The following PCDHA4 variants were observed in gnomAD, a reference collection of about 807,000 sequenced individuals.
PCDHA4 encodes the protein protocadherin alpha 4, also known as protocadherin alpha-4.
Under a neutral mutation model 61.4 loss-of-function variants are expected in PCDHA4, and 49 were observed. The observed-to-expected ratio is 0.80, with a 90% confidence interval of 0.63 to 1.01. The LOEUF is 1.01. PCDHA4 is among the 50% of genes least tolerant of loss of function. The pLI is 0.00. For missense variants in PCDHA4, 1,254 were observed against 1,235.8 expected, an observed-to-expected ratio of 1.01 and a Z score of -0.22; for synonymous variants, 590 against 550.3, an observed-to-expected ratio of 1.07 and a Z score of -1.01.
intron 1 of PCDHA4, chr5:140,850,480 C>A: frequency 6.3e-7 from 1 of 1,597,900 alleles, no homozygotes; most frequent in African/African-American, 1.3e-5. Context: ...CTGACGGCCA[C>A]GGCCACTGTG....
chr5:140,890,439 A>G (rs114755692), intron 1 of PCDHA4, among the ~76,000 whole-genome samples: 1 of 152,210 alleles, frequency 6.6e-6, no homozygotes, highest in Non-Finnish European at 1.5e-5. Context: ...TACAATACCT[A>G]GTGATATCTT....
rs2042023727 is a variant in PCDHA4, at chr5:140,851,309, G to T, written c.2385+41737G>T. ...ACCCAAGCAAAAATATATAGCAATT[G>T]TTACCTTGTTAAGTTTGTAGTTCTC... On this transcript the variant is annotated intron_variant, in intron 1 of 3. Coordinates refer to ENST00000530339, the MANE Select transcript of PCDHA4 (RefSeq NM_018907.4). 5.0e-6 allele frequency: 5 copies of T among 1,000,390 alleles called. 1 individual carries two copies. Among genetic ancestry groups the T allele is most frequent in the Admixed American group, 5.3e-5 (1 of 18,698 alleles). 62.0% of individuals were successfully genotyped at this position (1,000,390 alleles called of 1,614,324 possible).
chr5:140,968,588 A>G (rs1554230894), intron 1 of PCDHA4: 1 of 1,614,180 alleles, frequency 6.2e-7, no homozygotes, highest in South Asian at 1.1e-5. Flanking sequence ...CACCAAAGTC[A>G]TAGCTATGGA....
At chr5:140,995,416 T>G (rs2097682772) in intron 3 of PCDHA4, among the ~76,000 whole-genome samples, 1 of 152,228 alleles carries the variant, frequency 6.6e-6, no homozygotes, top group African/African-American at 2.4e-5. Context: ...TTCATCACAT[T>G]ACTCAGAACA....
chr5:140,840,057 T>C (rs1217899995), intron 1 of PCDHA4, among the ~76,000 whole-genome samples: 1 of 152,054 alleles, frequency 6.6e-6, no homozygotes, highest in Non-Finnish European at 1.5e-5. Flanking sequence ...TCTAATGTCT[T>C]GACAATTAGT....
At chr5:140,882,643 C>T in intron 1 of PCDHA4, 1 of 1,614,190 alleles carries the variant, frequency 6.2e-7, no homozygotes, top group Non-Finnish European at 8.5e-7. Context: ...AGGTGAGGGA[C>T]ATTAACGACA....
At chr5:140,987,668 G>C (rs1262402590) in intron 3 of PCDHA4, among the ~76,000 whole-genome samples, 1 of 152,082 alleles carries the variant, frequency 6.6e-6, no homozygotes, top group Non-Finnish European at 1.5e-5. Context: ...GAACAATCAG[G>C]GTTTAGTAAA....
chr5:140,850,595 G>A (rs2150490707), intron 1 of PCDHA4: 2 of 1,598,512 alleles, frequency 1.3e-6, no homozygotes, highest in East Asian at 4.5e-5. Flanking sequence ...ACGTGTACCT[G>A]ATCATCGCCA....
chr5:140,826,446 T>G (rs1768942723), intron 1 of PCDHA4, among the ~76,000 whole-genome samples: 1 of 152,178 alleles, frequency 6.6e-6, no homozygotes, highest in South Asian at 2.1e-4. Context: ...AGAAAAGGCT[T>G]TGTGTCACAA....
At chr5:140,978,739 T>C (rs2096820890) in intron 1 of PCDHA4, among the ~76,000 whole-genome samples, 1 of 152,252 alleles carries the variant, frequency 6.6e-6, no homozygotes, top group Non-Finnish European at 1.5e-5. Context: ...TCTTCCAGGG[T>C]ATCTAATCTG....
chr5:140,928,701 G>T, intron 1 of PCDHA4: 1 of 1,614,132 alleles, frequency 6.2e-7, no homozygotes, highest in Non-Finnish European at 8.5e-7. Context: ...TCTCCCGGGC[G>T]TCTGACTCTA....
chr5:140,941,191 T>TTTCTTTCTTTCTTTC lies in PCDHA4; in HGVS notation c.2386-37756_2386-37755insCTTTCTTTCTTTCTT, dbSNP rs1487503403. Among the ~76,000 whole-genome samples, 17 of 93,258 alleles carry TTTCTTTCTTTCTTTC rather than the reference T, an allele frequency of 1.8e-4. No individual in the cohort carries two copies. The South Asian group carries it at 2.0e-3, about 11-fold the overall frequency. The allele number at this position is 93,258 out of a possible 152,430, so 61.2% of individuals were successfully genotyped here. A position where few individuals can be genotyped will look rare whatever the true frequency, so the allele number is the denominator to read the frequency against. ...CATCTTGAACATCCTGCTTCTTTTT[T>TTTCTTTCTTTCTTTC]TTTCTTTCTTCCTTTCTTTCTTCCT... On this transcript the variant is annotated intron_variant, in intron 1 of 3. Coordinates refer to ENST00000530339, the MANE Select transcript of PCDHA4 (RefSeq NM_018907.4).
chr5:140,941,211 CTTCCTTTCTTT>C (rs782043135), intron 1 of PCDHA4, among the ~76,000 whole-genome samples: 8,933 of 129,680 alleles, frequency 0.069, 349 homozygotes, highest in Non-Finnish European at 0.093. Flanking sequence ...TCCTTTCTTT[CTTCCTTTCTTT>C]CTTTCTTTCT....
intron 1 of PCDHA4, chr5:140,817,369 G>C (rs2150097820): frequency 6.6e-6 from 1 of 152,148 alleles, no homozygotes; most frequent in Non-Finnish European, 1.5e-5. Context: ...AACTGGTTTC[G>C]GCACTTATCA....
intron 1 of PCDHA4, among the ~76,000 whole-genome samples, chr5:140,845,512 T>C (rs2150379573): frequency 1.1e-4 from 17 of 149,824 alleles, no homozygotes; most frequent in Admixed American, 1.1e-3. Flanking sequence ...ACCTATTTCT[T>C]GTACATTAAT....
At chr5:140,937,302 G>T (rs1554211521) in intron 1 of PCDHA4, among the ~76,000 whole-genome samples, 4 of 152,094 alleles carry the variant, frequency 2.6e-5, no homozygotes, top group African/African-American at 9.7e-5. Flanking sequence ...CTCCCAAAGT[G>T]CTGGGATTAC....
At chr5:140,850,010 G>C in intron 1 of PCDHA4, 1 of 1,597,002 alleles carries the variant, frequency 6.3e-7, no homozygotes. Flanking sequence ...GCTCGCTGTC[G>C]AGCTACGTGT....
chr5:141,006,388 A>AT (rs2098271631), intron 3 of PCDHA4, among the ~76,000 whole-genome samples: 1 of 151,322 alleles, frequency 6.6e-6, no homozygotes, highest in African/African-American at 2.4e-5. Flanking sequence ...AGTTTTTTCT[A>AT]TTTTTTAGTA....
Position 140,836,319 on chromosome 5 carries a change from C to A in PCDHA4, c.2385+26747C>A, listed in dbSNP as rs2150257608. ...AGATGAGACGGACGCACCGCGCCAC[C>A]GCCTTCTGGTGCTTGTGAAGGACCA... On this transcript the variant is annotated intron_variant, in intron 1 of 3. Coordinates refer to ENST00000530339, the MANE Select transcript of PCDHA4 (RefSeq NM_018907.4). 3.7e-6 allele frequency: 6 copies of A among 1,613,720 alleles called. No homozygotes were observed. The South Asian group carries it at 4.4e-5, about 12-fold the overall frequency.
Sources: allele counts gnomAD v4.1 joint callset (sites outside exome capture counted in the v4.1 genomes callset), GRCh38; gene constraint gnomAD v4.1.1; transcripts MANE v1.5; gene names NCBI Gene and HGNC (gene_info 2026-07-23, HGNC 2026-07-21).